The following RIMBP2 variants were observed in gnomAD, a reference collection of about 807,000 sequenced individuals.
RIMBP2 encodes RIMS binding protein 2.
In RIMBP2, 48 loss-of-function variants were observed where a neutral mutation model predicts 118.6. That is an observed-to-expected ratio of 0.40 (90% confidence interval 0.32 to 0.51). The LOEUF (loss-of-function observed/expected upper bound fraction) is 0.51, where lower values mean the gene tolerates loss of function less well. Among genes scored for constraint, RIMBP2 ranks in the 20% least tolerant of loss-of-function variants. The pLI, the probability that RIMBP2 is intolerant of heterozygous loss-of-function variation, is 0.41. For synonymous variants in RIMBP2, 762 were observed against 742.9 expected (o/e 1.03, Z -0.42); for missense variants, 1,551 against 1,768.3 (o/e 0.88, Z 2.20).
chr12:130,584,226 T>C (rs1171603093), intron 2 of RIMBP2, among the ~76,000 whole-genome samples: 9 of 34,610 alleles, frequency 2.6e-4, no homozygotes, highest in Admixed American at 4.4e-4. Flanking sequence ...ACCACCACCA[T>C]CACTTCACCA....
At position 130,424,334 on chromosome 12, in the gene RIMBP2, G is replaced by C. The variant is rs1205803559; in HGVS notation, c.2937C>G (p.Gly979=). Reference sequence around the variant, plus strand: ...CGTCGTTCCTGAGGAGGCCACCAGGGCCCACCTGCTCCCCAAAGTCCTCCT... The same window carrying C: ...CGTCGTTCCTGAGGAGGCCACCAGGCCCCACCTGCTCCCCAAAGTCCTCCT... ...SVEEDFGEQV[G]PGGLLRNDDP... Residue 979 remains glycine (G), a synonymous_variant, in exon 16 of 23, where the codon GGC becomes GGG. Transcript: ENST00000690449. The surrounding 1 kb of genome is among the most constrained non-coding windows in gnomAD (Gnocchi z 9.8). 1.6e-6 allele frequency: 2 copies of C among 1,231,842 alleles called. No homozygotes were observed. Among genetic ancestry groups the C allele is most frequent in the African/African-American group, 3.1e-5 (2 of 64,378 alleles). The allele number at this position is 1,231,842 out of a possible 1,614,324, so 76.3% of individuals were successfully genotyped here. A position where few individuals can be genotyped will look rare whatever the true frequency, so the allele number is the denominator to read the frequency against.
chr12:130,449,613 T>C (rs186053897), intron 9 of RIMBP2, among the ~76,000 whole-genome samples: 3 of 151,916 alleles, frequency 2.0e-5, no homozygotes, highest in Admixed American at 2.0e-4. Context: ...GGATGTCCCC[T>C]GGAAAGACGC....
intron 4 of RIMBP2, among the ~76,000 whole-genome samples, chr12:130,481,681 G>A (rs933708093): frequency 1.1e-4 from 17 of 152,138 alleles, no homozygotes; most frequent in African/African-American, 3.9e-4. Context: ...AGTGGCCCTC[G>A]CCAGTTCACT....
intron 1 of RIMBP2, among the ~76,000 whole-genome samples, chr12:130,646,607 G>A (rs1236074379): frequency 4.0e-5 from 6 of 151,454 alleles, no homozygotes; most frequent in African/African-American, 7.2e-5. Flanking sequence ...TCCACAAGAA[G>A]AATGACAACC....
chr12:130,662,951 G>A lies in RIMBP2; in HGVS notation c.-351-34495C>T, dbSNP rs555238386. Reference sequence around the variant, plus strand: ...AGCCTGGGTGACAGAGTAAGACCCTGTCTAAAAAAAAGAATCTGGATGTCC... The same window carrying A: ...AGCCTGGGTGACAGAGTAAGACCCTATCTAAAAAAAAGAATCTGGATGTCC... On this transcript the variant is annotated intron_variant, in intron 1 of 22. Coordinates refer to ENST00000690449, the MANE Select transcript of RIMBP2 (RefSeq NM_001393629.1). 3.3e-5 allele frequency among the ~76,000 whole-genome samples: 5 copies of A among 152,204 alleles called. No individual in the cohort carries two copies. The South Asian group carries it at 1.0e-3, about 32-fold the overall frequency.
intron 1 of RIMBP2, among the ~76,000 whole-genome samples, chr12:130,714,459 G>T (rs915722551): frequency 1.3e-5 from 2 of 152,230 alleles, no homozygotes; most frequent in East Asian, 3.9e-4. Flanking sequence ...GGAGGGCTGC[G>T]TGGCGCCTGC....
At position 130,706,633 on chromosome 12, in the gene RIMBP2, C is replaced by G. The variant is rs142599993; in HGVS notation, c.-352+9589G>C. Among the ~76,000 whole-genome samples, 177 of 152,382 alleles carry G rather than the reference C, an allele frequency of 1.2e-3. 4 individuals are homozygous for G. In the East Asian group the frequency reaches 0.033, roughly 28 times the overall value. On this transcript the variant is annotated intron_variant, in intron 1 of 22. Coordinates refer to ENST00000690449, the MANE Select transcript of RIMBP2 (RefSeq NM_001393629.1). ...AAGTGCCCAGTGAATCTTGGCTGCT[C>G]CACTCAGGAGCCATAAGGATTTGGG... is the stretch of plus-strand genomic sequence containing the variant.
At chr12:130,612,023 G>C (rs1566365526) in intron 2 of RIMBP2, among the ~76,000 whole-genome samples, 1 of 152,168 alleles carries the variant, frequency 6.6e-6, no homozygotes, top group African/African-American at 2.4e-5. Context: ...TCTTTGCCCT[G>C]AAGAGCCCGC....
At chr12:130,508,011 G>A (rs1303161152) in intron 3 of RIMBP2, among the ~76,000 whole-genome samples, 1 of 152,150 alleles carries the variant, frequency 6.6e-6, no homozygotes, top group Non-Finnish European at 1.5e-5. Flanking sequence ...GGTCTCATTC[G>A]AAGGAATATT....
In RIMBP2 at chr12:130,703,834, ATC is replaced by A. The variant is rs57727325; in HGVS notation, c.-352+12386_-352+12387del. Among the ~76,000 whole-genome samples the A allele has an allele frequency of 0.22, 22,479 of 100,596 alleles. 2,591 individuals carry two copies. Among genetic ancestry groups the A allele is most frequent in the African/African-American group, 0.37 (13,621 of 37,282 alleles). The allele number at this position is 100,596 out of a possible 152,430, so 66.0% of individuals were successfully genotyped here. ...AGGAAATACAGAGAGAGAGAGAGAG[ATC>A]GATCTAGAAGCACGGAGGGAACCCT... On this transcript the variant is annotated intron_variant, in intron 1 of 22. Transcript: ENST00000690449. The surrounding 1 kb of genome is among the most constrained non-coding windows in gnomAD (Gnocchi z 5.7).
intron 2 of RIMBP2, among the ~76,000 whole-genome samples, chr12:130,551,100 C>A (rs1370877559): frequency 6.6e-6 from 1 of 152,144 alleles, no homozygotes; most frequent in African/African-American, 2.4e-5. Flanking sequence ...TGATTGGATA[C>A]AGGTGAATAA....
At chr12:130,616,340 C>A (rs191298875) in intron 2 of RIMBP2, among the ~76,000 whole-genome samples, 197 of 152,132 alleles carry the variant, frequency 1.3e-3, no homozygotes, top group African/African-American at 4.4e-3. Flanking sequence ...CTCCTCTCTC[C>A]TTCCTTATTT....
At chr12:130,715,988 G>A (rs1323619273) in intron 1 of RIMBP2, among the ~76,000 whole-genome samples, 1 of 152,040 alleles carries the variant, frequency 6.6e-6, no homozygotes, top group African/African-American at 2.4e-5. Context: ...CTTCCGAGAC[G>A]ATCCTGAATT....
At chr12:130,591,378 C>T (rs1170203855) in intron 2 of RIMBP2, among the ~76,000 whole-genome samples, 3 of 152,198 alleles carry the variant, frequency 2.0e-5, no homozygotes, top group Non-Finnish European at 4.4e-5. Flanking sequence ...ATGGGGAGCA[C>T]GGCTCCTAGG....
chr12:130,473,340 C>T lies in RIMBP2; in HGVS notation c.103-2597G>A, dbSNP rs368479810. ...AGAGCAGGGAGACTGGAGCTCCCGA[C>T]GCTGGAGGAAGAGGCCTGAGGAACA... On this transcript the variant is annotated intron_variant, in intron 5 of 22. Coordinates refer to ENST00000690449, the MANE Select transcript of RIMBP2 (RefSeq NM_001393629.1). Among the ~76,000 whole-genome samples, 14 of 152,348 alleles carry T rather than the reference C, an allele frequency of 9.2e-5. No homozygotes were observed. The East Asian group carries it at 1.2e-3, about 13-fold the overall frequency.
At position 130,525,534 on chromosome 12, in the gene RIMBP2, G is replaced by A. The variant is rs1379810749; in HGVS notation, c.-216-7617C>T. On this transcript the variant is annotated intron_variant, in intron 2 of 22. Coordinates refer to ENST00000690449, the MANE Select transcript of RIMBP2 (RefSeq NM_001393629.1). This position sits in a 1 kb window ranked among gnomAD's most constrained non-coding sequence, Gnocchi z 4.4. The stretch of plus-strand genomic sequence containing the variant: ...GTAACTCCTCCTTCCTCCCACAGGC[G>A]AGTGGAATGTGGGTAGCTGCCGGGA... Among the ~76,000 whole-genome samples, 4 of 152,072 alleles carry A rather than the reference G, an allele frequency of 2.6e-5. No homozygotes were observed. The highest frequency in any genetic ancestry group is 6.5e-5 in the Admixed American group (1 of 15,270).
intron 2 of RIMBP2, among the ~76,000 whole-genome samples, chr12:130,612,903 C>T (rs2060647857): frequency 7.0e-6 from 1 of 143,632 alleles, no homozygotes; most frequent in Non-Finnish European, 1.5e-5. Flanking sequence ...CTTTCCCTCC[C>T]CCCTCCCCCA....
intron 2 of RIMBP2, among the ~76,000 whole-genome samples, chr12:130,594,021 T>C (rs2059420775): frequency 6.6e-6 from 1 of 152,248 alleles, no homozygotes; most frequent in Non-Finnish European, 1.5e-5. Context: ...AGGCTGTGTC[T>C]TGATCCATAA....
chr12:130,631,484 G>C (rs1325394587), intron 1 of RIMBP2, among the ~76,000 whole-genome samples: 1 of 152,030 alleles, frequency 6.6e-6, no homozygotes, highest in African/African-American at 2.4e-5. Context: ...GTGCACTATG[G>C]GGTGTTTAGC....
Sources: gnomAD v4.1 joint callset for allele counts (sites outside exome capture counted in the v4.1 genomes callset) on GRCh38, gnomAD v4.1.1 for gene constraint, Gnocchi (gnomAD v3.1) non-coding constraint, MANE v1.5 for transcripts, NCBI Gene and HGNC (gene_info 2026-07-23, HGNC 2026-07-21) for gene names.